Variants in TIMELESS observed in about 807,000 individuals in gnomAD.
The protein encoded by TIMELESS is timeless circadian regulator, also known as protein timeless homolog.
In TIMELESS, 124 loss-of-function variants were observed where a neutral mutation model predicts 164.3. The ratio of observed to expected loss-of-function variants is 0.75; its 90% CI spans 0.65 to 0.88. The LOEUF (loss-of-function observed/expected upper bound fraction) is 0.88. Ranked by LOEUF, TIMELESS falls within the 40% of genes least tolerant of loss-of-function variation. TIMELESS has a pLI of 0.00. For synonymous variants in TIMELESS, 564 were observed against 563.4 expected (o/e 1.00, Z -0.02); for missense variants, 1,422 against 1,491.4 (o/e 0.95, Z 0.77).
In TIMELESS at chr12:56,433,921, C is replaced by A. The variant is rs370681411; in HGVS notation, c.103G>T (p.Val35Leu). 6 of 1,614,152 alleles carry A rather than the reference C, an allele frequency of 3.7e-6. No individual in the cohort carries two copies. Among genetic ancestry groups the A allele is most frequent in the Admixed American group, 3.3e-5 (2 of 60,016 alleles). The change falls in exon 3 of 29, where the codon GTG (valine) becomes TTG (leucine). Residue 35 changes from valine (V) to leucine (L), a missense_variant. Val to Leu is a conservative substitution (Grantham distance 32, BLOSUM62 1). Transcript: ENST00000553532. ...YHKEPDCLESVKDLIRYLRHE... is the reference protein window; with the variant it reads ...YHKEPDCLESLKDLIRYLRHE... ...CTCAAATAGCGGATCAGATCCTTCA[C>A]GCTCTCTTCAGAGACAGAACAAAAC...
chr12:56,435,972 A>AG (rs1173573574), intron 1 of TIMELESS, among the ~76,000 whole-genome samples: 1 of 151,828 alleles, frequency 6.6e-6, no homozygotes, highest in Admixed American at 6.6e-5. Flanking sequence ...AAAAAAAAAA[A>AG]AAAAGAAACA....
At chr12:56,432,645 G>A in intron 6 of TIMELESS, 121 bp from the exon 7 acceptor site, 3 of 1,393,088 alleles carry the variant, frequency 2.2e-6, no homozygotes, top group Non-Finnish European at 2.9e-6. Context: ...GGACAGAATA[G>A]CCCAAAAAGG....
rs1337553941 is a variant in TIMELESS, at chr12:56,430,190, G to A, written c.1001C>T (p.Ser334Phe). The A allele has an allele frequency of 6.2e-7, 1 of 1,614,148 alleles. No homozygotes were observed. The highest frequency in any genetic ancestry group is 1.6e-4 in the Middle Eastern group (1 of 6,062). Residue 334 changes from serine (S) to phenylalanine (F), a missense_variant, in exon 10 of 29, where the codon TCT becomes TTT. Physicochemically the swap from Ser to Phe is radical, Grantham distance 155 (BLOSUM62 -2). Coordinates refer to ENST00000553532, the MANE Select transcript of TIMELESS (RefSeq NM_003920.5). ...GAGGAAGAGCCTCACATTGAGGGCA[G>A]AACGGCGCTGAATGGACAGCTCTCG... ...AARELSIQRR[S>F]ALNVRLFLRD...
At chr12:56,430,604 C>T (rs1056056865) in intron 9 of TIMELESS, among the ~76,000 whole-genome samples, 2 of 152,080 alleles carry the variant, frequency 1.3e-5, no homozygotes, top group African/African-American at 4.8e-5. Context: ...TGGGCTCAAG[C>T]AATTCTCCTT....
chr12:56,418,048 C>A (rs1881326414), intron 27 of TIMELESS, 40 bp from the exon 28 acceptor site: 1 of 1,613,584 alleles, frequency 6.2e-7, no homozygotes. Context: ...GGAACTCGGT[C>A]CTCATATTCT....
At chr12:56,425,881 T>A (rs896145073) in intron 13 of TIMELESS, among the ~76,000 whole-genome samples, 15 of 151,270 alleles carry the variant, frequency 9.9e-5, no homozygotes, top group African/African-American at 2.2e-4. Flanking sequence ...CTTAAAAAAA[T>A]AAATAAATAA....
intron 22 of TIMELESS, 106 bp from the exon 23 acceptor site, chr12:56,421,599 CACTT>C (rs1881492671): frequency 6.6e-7 from 1 of 1,521,412 alleles, no homozygotes; most frequent in Non-Finnish European, 9.0e-7. Context: ...CCAAAAATGA[CACTT>C]ACAAATATAG....
intron 1 of TIMELESS, among the ~76,000 whole-genome samples, chr12:56,443,898 CTTTTT>C (rs1225876764): frequency 1.5e-5 from 2 of 134,834 alleles, no homozygotes; most frequent in African/African-American, 2.8e-5. Flanking sequence ...TTTCGGTATT[CTTTTT>C]TTTTTTTTTT....
In TIMELESS at chr12:56,432,471, G is replaced by A; in HGVS notation, c.585C>T (p.Leu195=). The change falls in exon 7 of 29, where the codon CTC becomes CTT. Residue 195 remains leucine, a synonymous_variant. Coordinates refer to ENST00000553532, the MANE Select transcript of TIMELESS (RefSeq NM_003920.5). ...AHDQLLWAIH[L]SGLDDLLLFL... The stretch of plus-strand genomic sequence containing the variant: ...AGAGGAGCAGGTCATCCAGGCCGCT[G>A]AGGTGAATCGCCCAGAGGAGCTGGT... 1 of 1,614,210 alleles carries A rather than the reference G, an allele frequency of 6.2e-7. No individual in the cohort carries two copies. The highest frequency in any genetic ancestry group is 8.5e-7 in the Non-Finnish European group (1 of 1,180,028).
At chr12:56,445,671 A>G (rs1868340380) in intron 1 of TIMELESS, among the ~76,000 whole-genome samples, 1 of 147,114 alleles carries the variant, frequency 6.8e-6, no homozygotes, top group South Asian at 2.2e-4. Flanking sequence ...CGGAGGTTGC[A>G]GTGAGCTGAG....
chr12:56,433,474 C>T (rs781242539), intron 4 of TIMELESS, 31 bp from the exon 5 acceptor site: 65 of 1,613,994 alleles, frequency 4.0e-5, no homozygotes, highest in Non-Finnish European at 5.3e-5. Flanking sequence ...TCTTAAGTAG[C>T]AGTCATCCAC....
intron 1 of TIMELESS, among the ~76,000 whole-genome samples, chr12:56,434,805 A>G (rs1308488002): frequency 6.6e-6 from 1 of 152,140 alleles, no homozygotes; most frequent in Non-Finnish European, 1.5e-5. Context: ...TAATCTCAGC[A>G]TTTTAGGAGG....
Position 56,422,925 on chromosome 12 carries a change from G to A in TIMELESS, c.2360C>T (p.Ala787Val). The change falls in exon 19 of 29, where the codon GCC (alanine) becomes GTC (valine). Residue 787 changes from alanine (A) to valine (V), a missense_variant. By Grantham distance (64) the Ala-to-Val change is moderately conservative. Transcript: ENST00000553532. ...CTTCCAGAACAACAGCTCCACAAAGGCTTTTTGGTTGACTGCAGCCAGTGC... is the reference window on the plus strand; with the variant it reads ...CTTCCAGAACAACAGCTCCACAAAGACTTTTTGGTTGACTGCAGCCAGTGC... ...FFALAAVNQK[A>V]FVELLFWKNT... The A allele has an allele frequency of 6.2e-7, 1 of 1,613,828 alleles. No individual in the cohort carries two copies. The highest frequency in any genetic ancestry group is 8.5e-7 in the Non-Finnish European group (1 of 1,179,992).
At chr12:56,432,228 A>T in intron 7 of TIMELESS, 141 bp downstream of exon 7, 1 of 870,248 alleles carries the variant, frequency 1.1e-6, no homozygotes, top group South Asian at 2.0e-5. Context: ...ATAAGGGGGT[A>T]CTACTGAACT....
rs750931714 is a variant in TIMELESS at position 56,422,869 on chromosome 12, C to T, written c.2416G>A (p.Gly806Ser). 1 of 1,611,924 alleles carries T rather than the reference C, an allele frequency of 6.2e-7. No homozygotes were observed. The highest frequency in any genetic ancestry group is 8.5e-7 in the Non-Finnish European group (1 of 1,179,398). The change falls in exon 19 of 29, where the codon GGC becomes AGC. Residue 806 changes from glycine to serine, a missense_variant. Physicochemically the swap from Gly to Ser is moderately conservative, Grantham distance 56 (BLOSUM62 0). Transcript: ENST00000553532. ...NTAVVREMTEGYGSLDDRSSS... is the reference protein window; with the variant it reads ...NTAVVREMTESYGSLDDRSSS... Reference sequence around the variant, plus strand: ...CACCTGTCATCCAGGGAGCCATAGCCCTCAGTCATCTCTCGAACCACAGCT... The same window carrying T: ...CACCTGTCATCCAGGGAGCCATAGCTCTCAGTCATCTCTCGAACCACAGCT...
chr12:56,417,839 G>A, intron 28 of TIMELESS, 53 bp from the exon 29 acceptor site: 1 of 1,613,420 alleles, frequency 6.2e-7, no homozygotes, highest in Admixed American at 1.7e-5. Flanking sequence ...TATGTTAAGG[G>A]GTAAGGACGT....
chr12:56,447,217 A>G (rs1868370838), intron 1 of TIMELESS, among the ~76,000 whole-genome samples: 1 of 128,200 alleles, frequency 7.8e-6, no homozygotes, highest in Admixed American at 8.8e-5. Flanking sequence ...TTTAGTAGAG[A>G]TAGGAATTCT....
chr12:56,435,086 G>T (rs11833583), intron 1 of TIMELESS, among the ~76,000 whole-genome samples: 83,724 of 151,870 alleles, frequency 0.55, 23,853 homozygotes, highest in African/African-American at 0.64. Context: ...GGCTCTTCCA[G>T]GCAGACACAG....
chr12:56,428,993 C>T lies in TIMELESS; in HGVS notation c.1194G>A (p.Leu398=). Residue 398 remains leucine, a synonymous_variant, in exon 11 of 29, where the codon CTG becomes CTA. Transcript: ENST00000553532. The part of the protein sequence containing the change: ...FNRAASFRPG[L]VSETLSVRTF... ...TACGGACACTGAGGGTCTCAGAAAC[C>T]AGGCCTGGCCGGAAGGAGGCAGCTC... is the stretch of plus-strand genomic sequence containing the variant. 1 of 1,614,140 alleles carries T rather than the reference C, an allele frequency of 6.2e-7. No homozygotes were observed. The highest frequency in any genetic ancestry group is 8.5e-7 in the Non-Finnish European group (1 of 1,180,046).
Sources: gnomAD v4.1 joint callset for allele counts (sites outside exome capture counted in the v4.1 genomes callset) on GRCh38, gnomAD v4.1.1 for gene constraint, MANE v1.5 for transcripts, NCBI Gene and HGNC (gene_info 2026-07-23, HGNC 2026-07-21) for gene names.